LRRC28: variants seen among roughly 807,000 people sequenced by gnomAD.
The protein encoded by LRRC28 is leucine rich repeat containing 28.
In LRRC28, 39 loss-of-function variants were observed where a neutral mutation model predicts 45.7. The observed-to-expected ratio is 0.85, with a 90% CI of 0.66 to 1.12. The LOEUF is 1.12. LRRC28 is among the 50% of genes most tolerant of loss of function. The pLI, the probability that LRRC28 is intolerant of heterozygous loss-of-function variation, is 0.00. For synonymous variants in LRRC28, 206 were observed against 178.8 expected (o/e 1.15, Z -1.22); for missense variants, 435 against 438.5 (o/e 0.99, Z 0.07).
At chr15:99,356,946 CA>C (rs1412894845) in intron 7 of LRRC28, among the ~76,000 whole-genome samples, 2 of 152,142 alleles carry the variant, frequency 1.3e-5, no homozygotes, top group African/African-American at 4.8e-5. Context: ...ATTCTCAGAA[CA>C]AAACTTAGCC....
intron 5 of LRRC28, among the ~76,000 whole-genome samples, chr15:99,304,841 C>T (rs566950688): frequency 6.6e-6 from 1 of 152,250 alleles, no homozygotes; most frequent in South Asian, 2.1e-4. Flanking sequence ...GGGATCACGA[C>T]CCTATTCAGT....
Position 99,316,043 on chromosome 15 carries a change from G to A in LRRC28, c.386-17880G>A, listed in dbSNP as rs750013957. On this transcript the variant is annotated intron_variant, in intron 5 of 9. Coordinates refer to ENST00000301981, the MANE Select transcript of LRRC28 (RefSeq NM_144598.5). ...AAAGCATCAAATTAACAACTTTTGT[G>A]TGCTATTAATGGAATCTGCTCATGT... Among the ~76,000 whole-genome samples the A allele has an allele frequency of 1.1e-4, 16 of 152,166 alleles. 1 individual carries two copies. Among genetic ancestry groups the A allele is most frequent in the Admixed American group, 8.5e-4 (13 of 15,264 alleles).
At chr15:99,353,874 T>A (rs1246955202) in intron 7 of LRRC28, 1 of 152,224 alleles carries the variant, frequency 6.6e-6, no homozygotes, top group East Asian at 1.9e-4. Flanking sequence ...AAGTTCTGTT[T>A]GTGCTAAGTA....
chr15:99,325,535 C>T (rs956973592), intron 5 of LRRC28, among the ~76,000 whole-genome samples: 3 of 152,202 alleles, frequency 2.0e-5, no homozygotes, highest in Non-Finnish European at 2.9e-5. Context: ...GGAAAGCACT[C>T]AGCCTGTCAC....
At chr15:99,268,333 G>A (rs2081385323) in intron 2 of LRRC28, among the ~76,000 whole-genome samples, 1 of 152,104 alleles carries the variant, frequency 6.6e-6, no homozygotes, top group African/African-American at 2.4e-5. Context: ...ACCTGACTTA[G>A]CATATACCCT....
chr15:99,304,501 G>A (rs1051458080), intron 5 of LRRC28, among the ~76,000 whole-genome samples: 4 of 151,652 alleles, frequency 2.6e-5, no homozygotes, highest in African/African-American at 9.7e-5. Context: ...TGTGATCTCC[G>A]CTCACTGCAA....
In LRRC28 at chr15:99,358,795, A is replaced by G. The variant is rs186707722; in HGVS notation, c.696-2541A>G. ...AAATAGATAAAACATCTACACGTAA[A>G]GGCCAGGTGCGGTGGTTCATACCTG... On this transcript the variant is annotated intron_variant, in intron 7 of 9. Transcript: ENST00000301981. Among the ~76,000 whole-genome samples the G allele has an allele frequency of 3.9e-5, 6 of 152,268 alleles. No individual in the cohort carries two copies. In the East Asian group the frequency reaches 1.2e-3, roughly 29 times the overall value.
At chr15:99,330,880 A>G (rs1411306819) in intron 5 of LRRC28, among the ~76,000 whole-genome samples, 1 of 151,814 alleles carries the variant, frequency 6.6e-6, no homozygotes, top group Non-Finnish European at 1.5e-5. Flanking sequence ...TTTTAACTAT[A>G]TATTTTTAGT....
intron 7 of LRRC28, among the ~76,000 whole-genome samples, chr15:99,354,443 T>C (rs560955920): frequency 6.6e-6 from 1 of 152,216 alleles, no homozygotes; most frequent in South Asian, 2.1e-4. Context: ...GCTTAGTGCC[T>C]CAGCCTAAAG....
At position 99,305,150 on chromosome 15, in the gene LRRC28, G is replaced by A. The variant is rs1196068755; in HGVS notation, c.385+17199G>A. Among the ~76,000 whole-genome samples, 4 of 152,138 alleles carry A rather than the reference G, an allele frequency of 2.6e-5. No individual in the cohort carries two copies. The South Asian group carries it at 6.2e-4, about 24-fold the overall frequency. ...TGTGCTCTAGAGATCATATAAATACGTATATATAAAAGGAGACTAGATGAA... is the reference window on the plus strand; with the variant it reads ...TGTGCTCTAGAGATCATATAAATACATATATATAAAAGGAGACTAGATGAA... On this transcript the variant is annotated intron_variant, in intron 5 of 9. Coordinates refer to ENST00000301981, the MANE Select transcript of LRRC28 (RefSeq NM_144598.5).
intron 6 of LRRC28, among the ~76,000 whole-genome samples, chr15:99,336,122 A>G (rs1193736386): frequency 6.6e-6 from 1 of 152,210 alleles, no homozygotes. Context: ...GTATACTACT[A>G]TGACTATTTG....
At chr15:99,340,169 G>A (rs1249475597) in intron 6 of LRRC28, among the ~76,000 whole-genome samples, 1 of 152,178 alleles carries the variant, frequency 6.6e-6, no homozygotes, top group Non-Finnish European at 1.5e-5. Flanking sequence ...CACATAACAG[G>A]AGAACACTCC....
At chr15:99,351,521 T>A (rs140784492) in intron 6 of LRRC28, among the ~76,000 whole-genome samples, 1 of 152,218 alleles carries the variant, frequency 6.6e-6, no homozygotes, top group African/African-American at 2.4e-5. Flanking sequence ...GGCCCTTAAG[T>A]CTTGTCTATG....
chr15:99,259,011 A>G (rs879021468), intron 2 of LRRC28: 3 of 791,994 alleles, frequency 3.8e-6, no homozygotes, highest in Non-Finnish European at 4.6e-6. Context: ...AAACTTGTTC[A>G]TAAAACTCTG....
chr15:99,308,653 A>G (rs1342075516), intron 5 of LRRC28, among the ~76,000 whole-genome samples: 1 of 152,234 alleles, frequency 6.6e-6, no homozygotes, highest in Non-Finnish European at 1.5e-5. Flanking sequence ...AGCCTGGGCA[A>G]TAGAGTGGGA....
chr15:99,389,256 T>C lies in LRRC28; in HGVS notation c.*3154T>C, dbSNP rs559562993. The stretch of plus-strand genomic sequence containing the variant: ...TGTAATGTACCTCTCACTTCTGTTT[T>C]ACGTTGAGCATTACGAATTAAAATC... On this transcript the variant is annotated 3_prime_UTR_variant, in exon 10 of 10. Coordinates refer to ENST00000301981, the MANE Select transcript of LRRC28 (RefSeq NM_144598.5). 2.4e-4 allele frequency: 36 copies of C among 152,322 alleles called. No individual in the cohort carries two copies. The highest frequency in any genetic ancestry group is 2.0e-3 in the Admixed American group (30 of 15,308). 9.4% of individuals were successfully genotyped at this position (152,322 alleles called of 1,614,324 possible). A position where few individuals can be genotyped will look rare whatever the true frequency, so the allele number is the denominator to read the frequency against.
intron 7 of LRRC28, 57 bp from the exon 8 acceptor site, chr15:99,361,279 G>C (rs1957191570): frequency 1.3e-6 from 2 of 1,509,914 alleles, no homozygotes; most frequent in Non-Finnish European, 1.8e-6. Flanking sequence ...CATTTTATTG[G>C]CACCCATATT....
chr15:99,346,598 A>T (rs190693718), intron 6 of LRRC28, among the ~76,000 whole-genome samples: 1 of 152,206 alleles, frequency 6.6e-6, no homozygotes, highest in Non-Finnish European at 1.5e-5. Flanking sequence ...TTTCTAGAAC[A>T]TTAATTTTTT....
chr15:99,297,096 G>A (rs955619107), intron 5 of LRRC28, among the ~76,000 whole-genome samples: 1 of 148,966 alleles, frequency 6.7e-6, no homozygotes, highest in Admixed American at 6.8e-5. Flanking sequence ...CAGGAGAATC[G>A]CCTGAACCCG....
Sources: gnomAD v4.1 joint callset for allele counts (sites outside exome capture counted in the v4.1 genomes callset) on GRCh38, gnomAD v4.1.1 for gene constraint, MANE v1.5 for transcripts, NCBI Gene and HGNC (gene_info 2026-07-23, HGNC 2026-07-21) for gene names.